Variants in MYG1 observed in about 807,000 individuals in gnomAD.
The protein encoded by MYG1 is UPF0160 protein MYG1, mitochondrial.
MYG1 carries 36 observed loss-of-function variants against 43.5 expected under a neutral mutation model. The ratio of observed to expected loss-of-function variants is 0.83; its 90% CI spans 0.63 to 1.09. The LOEUF (loss-of-function observed/expected upper bound fraction) is 1.09. MYG1 is among the 50% of genes least tolerant of loss of function. The probability of loss-of-function intolerance (pLI) is 0.00; values close to 1 mark genes in which losing one functional copy is unlikely to be tolerated. For missense variants in MYG1, 529 were observed against 495.1 expected, an observed-to-expected ratio of 1.07 and a Z score of -0.65; for synonymous variants, 220 against 202.8, an observed-to-expected ratio of 1.08 and a Z score of -0.72.
rs1201402306 is a variant in MYG1 at position 53,305,958 on chromosome 12, C to A, written c.540C>A (p.Ser180=). Reference sequence around the variant, plus strand: ...TGGATGCTGTGGACAATGGGATCTCCCAGTGGGCAGAGGGGGAGCCTCGAT... The same window carrying A: ...TGGATGCTGTGGACAATGGGATCTCACAGTGGGCAGAGGGGGAGCCTCGAT... ...EEVDAVDNGI[S]QWAEGEPRYA... The change falls in exon 4 of 7, where the codon TCC becomes TCA. Residue 180 remains serine, a synonymous_variant. Coordinates refer to ENST00000267103, the MANE Select transcript of MYG1 (RefSeq NM_021640.4). The A allele has an allele frequency of 2.5e-6, 4 of 1,613,534 alleles. No homozygotes were observed. The highest frequency in any genetic ancestry group is 2.5e-6 in the Non-Finnish European group (3 of 1,179,864).
chr12:53,306,349 T>C lies in MYG1; in HGVS notation c.765+29T>C, dbSNP rs763824291. ...TAGGCCTTGGAGGAGGCATTATGGC[T>C]TGAGGATTACTGACTGCCAATCAAC... On this transcript the variant is annotated intron_variant, in intron 5 of 6. Coordinates refer to ENST00000267103, the MANE Select transcript of MYG1 (RefSeq NM_021640.4). 2.5e-6 allele frequency: 4 copies of C among 1,612,708 alleles called. No individual in the cohort carries two copies. In the South Asian group the frequency reaches 4.4e-5, roughly 18 times the overall value.
At position 53,307,007 on chromosome 12, in the gene MYG1, C is replaced by T. The variant is rs757951996; in HGVS notation, c.989C>T (p.Ala330Val). 2 of 1,614,216 alleles carry T rather than the reference C, an allele frequency of 1.2e-6. No individual in the cohort carries two copies. Among genetic ancestry groups the T allele is most frequent in the South Asian group, 1.1e-5 (1 of 91,082 alleles). ...PEPWRGLRDEALDQVSGIPGC... is the reference protein window; with the variant it reads ...PEPWRGLRDEVLDQVSGIPGC... ...CCATGGCGGGGTCTTCGGGACGAGG[C>T]CCTGGACCAGGTCAGTGGGATCCCT... is the stretch of plus-strand genomic sequence containing the variant. The change falls in exon 7 of 7, where the codon GCC becomes GTC. Residue 330 changes from alanine to valine, a missense_variant. Ala to Val is a moderately conservative substitution (Grantham distance 64). Transcript: ENST00000267103.
chr12:53,300,242 C>T lies in MYG1; in HGVS notation c.309C>T (p.His103=). 6.3e-7 allele frequency: 1 copy of T among 1,586,060 alleles called. No individual in the cohort carries two copies. Among genetic ancestry groups the T allele is most frequent in the East Asian group, 2.2e-5 (1 of 44,604 alleles). The change falls in exon 2 of 7, where the codon CAC becomes CAT. Residue 103 remains histidine (H), a synonymous_variant. Transcript: ENST00000267103. ...GGGGCGAGTACGACCCTCGGAGACA[C>T]CGATATGACCATCACCAGAGGTAGG... ...DVGGEYDPRR[H]RYDHHQRSFT...
At chr12:53,304,708 G>C (rs1944257173) in intron 3 of MYG1, among the ~76,000 whole-genome samples, 1 of 151,900 alleles carries the variant, frequency 6.6e-6, no homozygotes, top group South Asian at 2.1e-4. Flanking sequence ...TCCCACCTCA[G>C]CCCCCCAAGT....
intron 1 of MYG1, 76 bp downstream of exon 1, chr12:53,300,029 TCA>T (rs1471119498): frequency 2.8e-5 from 44 of 1,578,282 alleles, no homozygotes; most frequent in Non-Finnish European, 3.8e-5. Flanking sequence ...GCCAACAGGG[TCA>T]CTCCGATAGC....
intron 3 of MYG1, 118 bp from the exon 4 acceptor site, chr12:53,305,790 T>G: frequency 7.6e-7 from 1 of 1,309,872 alleles, no homozygotes; most frequent in Non-Finnish European, 1.0e-6. Context: ...TCTCATCCAG[T>G]TAATGTTGAG....
intron 2 of MYG1, among the ~76,000 whole-genome samples, chr12:53,301,222 T>A (rs1372964343): frequency 6.6e-6 from 1 of 152,160 alleles, no homozygotes; most frequent in African/African-American, 2.4e-5. Flanking sequence ...GCCTATCCTC[T>A]GGGATTTCAT....
At position 53,303,069 on chromosome 12, in the gene MYG1, G is replaced by A. The variant is rs1334089024; in HGVS notation, c.365G>A (p.Gly122Glu). 1 of 1,613,562 alleles carries A rather than the reference G, an allele frequency of 6.2e-7. No homozygotes were observed. Reference sequence around the variant, plus strand: ...GAGACCATGAGCTCCCTGTCCCCTGGGAAGCCGTGGCAGACCAAGCTGAGC... The same window carrying A: ...GAGACCATGAGCTCCCTGTCCCCTGAGAAGCCGTGGCAGACCAAGCTGAGC... Reference protein sequence around the residue: ...FTETMSSLSPGKPWQTKLSSA... With the variant: ...FTETMSSLSPEKPWQTKLSSA... Residue 122 changes from glycine to glutamate, a missense_variant, in exon 3 of 7, where the codon GGG becomes GAG. By Grantham distance (98) the Gly-to-Glu change is moderately conservative. Coordinates refer to ENST00000267103, the MANE Select transcript of MYG1 (RefSeq NM_021640.4).
chr12:53,304,079 G>C (rs999962020), intron 3 of MYG1, among the ~76,000 whole-genome samples: 2 of 151,774 alleles, frequency 1.3e-5, no homozygotes, highest in East Asian at 3.9e-4. Context: ...TCCTGACCTC[G>C]TGATCTGCCC....
At chr12:53,300,084 G>A in intron 1 of MYG1, 66 bp from the exon 2 acceptor site, 1 of 1,528,122 alleles carries the variant, frequency 6.5e-7, no homozygotes, top group Non-Finnish European at 8.9e-7. Context: ...CTGCCTCCCT[G>A]AAGTCCAGCA....
rs762020423 is a variant in MYG1, at chr12:53,306,984, A to G, written c.966A>G (p.Pro322=). 1 of 1,614,022 alleles carries G rather than the reference A, an allele frequency of 6.2e-7. No individual in the cohort carries two copies. Among genetic ancestry groups the G allele is most frequent in the South Asian group, 1.1e-5 (1 of 91,078 alleles). ...SFQSRLPLPE[P]WRGLRDEALD... ...TGCCCAGGCTGCCCCTGCCAGAGCC[A>G]TGGCGGGGTCTTCGGGACGAGGCCC... is the stretch of plus-strand genomic sequence containing the variant. Residue 322 remains proline (P), a synonymous_variant, in exon 7 of 7, where the codon CCA becomes CCG. Transcript: ENST00000267103.
intron 3 of MYG1, 98 bp downstream of exon 3, chr12:53,303,291 G>A (rs970780589): frequency 7.1e-7 from 1 of 1,400,792 alleles, no homozygotes; most frequent in Non-Finnish European, 9.6e-7. Flanking sequence ...CTCGGGTCAG[G>A]GTTCCTGGCC....
intron 3 of MYG1, among the ~76,000 whole-genome samples, chr12:53,304,348 C>T (rs960362897): frequency 4.0e-5 from 6 of 151,546 alleles, no homozygotes; most frequent in African/African-American, 9.7e-5. Flanking sequence ...TGCAGTGGCA[C>T]AATCTCAGCT....
chr12:53,301,524 G>A (rs1233182928), intron 2 of MYG1, among the ~76,000 whole-genome samples: 7 of 151,938 alleles, frequency 4.6e-5, no homozygotes, highest in Admixed American at 1.3e-4. Context: ...ACAGCTGACC[G>A]TGGCTTCACC....
At chr12:53,302,161 T>C (rs1300732091) in intron 2 of MYG1, among the ~76,000 whole-genome samples, 1 of 152,102 alleles carries the variant, frequency 6.6e-6, no homozygotes, top group South Asian at 2.1e-4. Flanking sequence ...TTTCCATTCT[T>C]AGTAGAAACA....
intron 3 of MYG1, among the ~76,000 whole-genome samples, chr12:53,304,613 T>G (rs1190973169): frequency 6.6e-6 from 1 of 152,082 alleles, no homozygotes; most frequent in Non-Finnish European, 1.5e-5. Context: ...CCCGTATTTT[T>G]TTTTGAGAGA....
chr12:53,303,370 C>A, intron 3 of MYG1, 177 bp downstream of exon 3: 2 of 647,082 alleles, frequency 3.1e-6, no homozygotes, highest in Non-Finnish European at 5.1e-6. Context: ...TGATACCTCC[C>A]CTGTCTACAT....
rs1944290041 is a variant in MYG1 at position 53,306,949 on chromosome 12, T to G, written c.948-17T>G. ...CTGCCAACTCTGACCCCTGCTGTAC[T>G]CCCTCTTTCTGCCCAGGCTGCCCCT... On this transcript the variant is annotated splice_polypyrimidine_tract_variant and intron_variant, in intron 6 of 6. Coordinates refer to ENST00000267103, the MANE Select transcript of MYG1 (RefSeq NM_021640.4). 3.1e-6 allele frequency: 5 copies of G among 1,611,994 alleles called. No homozygotes were observed. Among genetic ancestry groups the G allele is most frequent in the Non-Finnish European group, 4.2e-6 (5 of 1,178,726 alleles).
chr12:53,300,052 C>G, intron 1 of MYG1, 98 bp from the exon 2 acceptor site: 1 of 1,542,874 alleles, frequency 6.5e-7, no homozygotes, highest in Non-Finnish European at 8.8e-7. Context: ...GCCCGGCAGC[C>G]CAAGCACCCT....
Sources: allele counts gnomAD v4.1 joint callset (sites outside exome capture counted in the v4.1 genomes callset), GRCh38; gene constraint gnomAD v4.1.1; transcripts MANE v1.5; gene names NCBI Gene and HGNC (gene_info 2026-07-23, HGNC 2026-07-21).